ANO1: variants seen among roughly 807,000 people sequenced by gnomAD.
ANO1 encodes the protein anoctamin 1.
In ANO1, 59 loss-of-function variants were observed where a neutral mutation model predicts 124.0. The ratio of observed to expected loss-of-function variants is 0.48; its 90% CI spans 0.39 to 0.59. ANO1 has a LOEUF of 0.59. Ranked by LOEUF, ANO1 falls within the 20% of genes least tolerant of loss-of-function variation. The pLI is 0.00. For missense variants in ANO1, 1,059 were observed against 1,328.0 expected (o/e 0.80, Z 3.15); for synonymous variants, 529 against 532.0 (o/e 0.99, Z 0.08).
At chr11:69,966,430 T>C in the ANO1 span, among the ~76,000 whole-genome samples, 19 of 152,262 alleles carry the variant, frequency 1.2e-4, no homozygotes, top group African/African-American at 4.6e-4. Flanking sequence ...AAATCCCACT[T>C]GCAAAATTTG....
At chr11:70,086,485 C>A (rs1209582629) in intron 1 of ANO1, among the ~76,000 whole-genome samples, 1 of 152,192 alleles carries the variant, frequency 6.6e-6, no homozygotes, top group Non-Finnish European at 1.5e-5. Context: ...CCTAACCCCG[C>A]CCCCTTGGTC....
chr11:70,180,700 A>G (rs1004930198), intron 23 of ANO1, among the ~76,000 whole-genome samples: 6 of 152,072 alleles, frequency 3.9e-5, no homozygotes, highest in Admixed American at 2.6e-4. Context: ...AGAGACAGAG[A>G]TAGGAGGGAA....
chr11:70,088,847 C>T (rs1271532949), intron 2 of ANO1, among the ~76,000 whole-genome samples: 1 of 152,178 alleles, frequency 6.6e-6, no homozygotes, highest in East Asian at 1.9e-4. Context: ...CCCTGGGAGT[C>T]GTTGGTGCTC....
intron 2 of ANO1, among the ~76,000 whole-genome samples, chr11:70,089,458 C>G: frequency 6.6e-6 from 1 of 152,178 alleles, no homozygotes; most frequent in East Asian, 1.9e-4. Flanking sequence ...ATCAATGGAA[C>G]GTGCTCCATG....
At chr11:70,004,074 CAGTCCCCAGG>C in intron 1 of ANO1, among the ~76,000 whole-genome samples, 1 of 152,274 alleles carries the variant, frequency 6.6e-6, no homozygotes, top group East Asian at 1.9e-4. Flanking sequence ...AACCTCTTCC[CAGTCCCCAGG>C]AGCCCACCAG....
chr11:70,181,780 A>G (rs955721633), intron 23 of ANO1, among the ~76,000 whole-genome samples: 1 of 148,470 alleles, frequency 6.7e-6, no homozygotes, highest in Non-Finnish European at 1.5e-5. Context: ...CTCTCTCTGA[A>G]AAAAAAAAAA....
intron 22 of ANO1, among the ~76,000 whole-genome samples, chr11:70,171,624 G>T (rs1282912484): frequency 6.6e-6 from 1 of 152,204 alleles, no homozygotes; most frequent in Non-Finnish European, 1.5e-5. Context: ...CCTTGACCAT[G>T]TGGAGAAGGG....
intron 1 of ANO1, among the ~76,000 whole-genome samples, chr11:69,988,877 A>G (rs10501401): frequency 0.14 from 21,580 of 151,686 alleles, 1,631 homozygotes; most frequent in African/African-American, 0.17. Flanking sequence ...TCTCTGCACT[A>G]ATAGTATCCT....
At chr11:70,062,606 C>T (rs558552763) in intron 1 of ANO1, among the ~76,000 whole-genome samples, 2 of 152,190 alleles carry the variant, frequency 1.3e-5, no homozygotes, top group South Asian at 2.1e-4. Flanking sequence ...GCCCAGTGTC[C>T]CCCTCCCCTG....
At chr11:70,085,401 A>G in intron 1 of ANO1, 1 of 1,510,420 alleles carries the variant, frequency 6.6e-7, no homozygotes, top group Non-Finnish European at 8.8e-7. Flanking sequence ...ACAGAGGGCA[A>G]GGTGGGCGGG....
intron 1 of ANO1, among the ~76,000 whole-genome samples, chr11:70,035,772 G>A (rs946596633): frequency 7.9e-5 from 12 of 152,112 alleles, no homozygotes; most frequent in Non-Finnish European, 1.8e-4. Flanking sequence ...AGAACATGCG[G>A]TGTTTGGTTT....
At chr11:70,040,759 G>A (rs1400522395) in intron 1 of ANO1, among the ~76,000 whole-genome samples, 1 of 152,240 alleles carries the variant, frequency 6.6e-6, no homozygotes, top group African/African-American at 2.4e-5. Flanking sequence ...CACGATCTGT[G>A]AAGACAGGTC....
chr11:69,968,838 C>T, the ANO1 span, among the ~76,000 whole-genome samples: 1 of 152,236 alleles, frequency 6.6e-6, no homozygotes, highest in Non-Finnish European at 1.5e-5. Flanking sequence ...GCCAACTACA[C>T]AGCCCGCGGA....
chr11:69,985,512 A>T (rs1389769318), upstream of ANO1, among the ~76,000 whole-genome samples: 1 of 151,794 alleles, frequency 6.6e-6, no homozygotes, highest in Non-Finnish European at 1.5e-5. Flanking sequence ...CGCTCTTCTG[A>T]TGCGGGAACC....
intron 5 of ANO1, among the ~76,000 whole-genome samples, chr11:70,107,535 G>A (rs2045606521): frequency 6.8e-6 from 1 of 146,044 alleles, no homozygotes; most frequent in Admixed American, 6.9e-5. Flanking sequence ...AGGGGGAACT[G>A]GAAGGACGCT....
At chr11:70,136,251 G>A (rs1355818526) in intron 11 of ANO1, among the ~76,000 whole-genome samples, 1 of 152,188 alleles carries the variant, frequency 6.6e-6, no homozygotes, top group African/African-American at 2.4e-5. Flanking sequence ...GATTCCCAGG[G>A]GGCAGCAGCT....
intron 1 of ANO1, among the ~76,000 whole-genome samples, chr11:69,998,801 G>T (rs187798913): frequency 1.7e-4 from 26 of 151,982 alleles, no homozygotes; most frequent in African/African-American, 6.0e-4. Flanking sequence ...TACAAAAATT[G>T]GCTGGGCGTG....
intron 1 of ANO1, among the ~76,000 whole-genome samples, chr11:70,028,295 G>A (rs1242512959): frequency 2.0e-5 from 3 of 152,156 alleles, no homozygotes; most frequent in African/African-American, 7.2e-5. Context: ...TCCACCAGGC[G>A]CCTTTCTCTG....
intron 22 of ANO1, among the ~76,000 whole-genome samples, chr11:70,177,054 C>G (rs972001948): frequency 6.6e-6 from 1 of 152,198 alleles, no homozygotes; most frequent in African/African-American, 2.4e-5. Flanking sequence ...AGGAAGACCC[C>G]GCTCCCGGCT....
Sources: allele counts gnomAD v4.1 joint callset (sites outside exome capture counted in the v4.1 genomes callset), GRCh38; gene constraint gnomAD v4.1.1; transcripts MANE v1.5; gene names NCBI Gene and HGNC (gene_info 2026-07-23, HGNC 2026-07-21).